Variants in KCNMB2 observed in about 807,000 individuals in gnomAD.
KCNMB2 encodes calcium-activated potassium channel subunit beta-2.
A neutral mutation model predicts 24.5 loss-of-function variants in KCNMB2; 9 were observed. That is an observed-to-expected ratio of 0.37 (90% confidence interval 0.22 to 0.64). KCNMB2 has a LOEUF of 0.64. KCNMB2 is among the 30% of genes least tolerant of loss of function. The pLI, the probability that KCNMB2 is intolerant of heterozygous loss-of-function variation, is 0.63. For synonymous variants in KCNMB2, 109 were observed against 104.4 expected (o/e 1.04, Z -0.27); for missense variants, 226 against 284.3 (o/e 0.79, Z 1.47).
At chr3:178,665,870 CA>C (rs770427216) in intron 1 of KCNMB2, among the ~76,000 whole-genome samples, 2 of 152,172 alleles carry the variant, frequency 1.3e-5, no homozygotes, top group Non-Finnish European at 2.9e-5. Flanking sequence ...TCTCAAATCT[CA>C]GAACTATTCC....
intron 1 of KCNMB2, among the ~76,000 whole-genome samples, chr3:178,795,615 T>A (rs887497236): frequency 8.5e-5 from 13 of 152,150 alleles, no homozygotes; most frequent in African/African-American, 2.9e-4. Context: ...GGCCAAGGAA[T>A]GTGGTGGCCT....
At chr3:178,595,403 C>T (rs1717831695) in intron 1 of KCNMB2, among the ~76,000 whole-genome samples, 1 of 152,036 alleles carries the variant, frequency 6.6e-6, no homozygotes, top group Non-Finnish European at 1.5e-5. Flanking sequence ...TCTGAAAAGC[C>T]CGAGGTCCTG....
At chr3:178,734,292 A>G (rs2108370434) in intron 1 of KCNMB2, among the ~76,000 whole-genome samples, 1 of 152,328 alleles carries the variant, frequency 6.6e-6, no homozygotes, top group Middle Eastern at 3.4e-3. Flanking sequence ...CACTTGTGGC[A>G]TCATGCCTTC....
At position 178,813,606 on chromosome 3, in the gene KCNMB2, G is replaced by A. The variant is rs370649016; in HGVS notation, c.56+6141G>A. Among the ~76,000 whole-genome samples the A allele has an allele frequency of 3.4e-4, 52 of 152,070 alleles. 1 individual carries two copies. In the South Asian group the frequency reaches 0.011, roughly 31 times the overall value. On this transcript the variant is annotated intron_variant, in intron 2 of 4. Coordinates refer to ENST00000452583, the MANE Select transcript of KCNMB2 (RefSeq NM_181361.3). ...TCCAATCCTTACGGTTTTTTCTCAT[G>A]TGTTACACTCTTACTCTATTGGCAG...
chr3:178,613,643 G>T (rs1451999822), intron 1 of KCNMB2, among the ~76,000 whole-genome samples: 1 of 152,124 alleles, frequency 6.6e-6, no homozygotes, highest in Non-Finnish European at 1.5e-5. Context: ...AATATGTCAT[G>T]CCACTCTCTC....
chr3:178,725,601 A>G (rs560671699), intron 1 of KCNMB2, among the ~76,000 whole-genome samples: 2 of 152,062 alleles, frequency 1.3e-5, no homozygotes, highest in Non-Finnish European at 2.9e-5. Context: ...TACTGTGGTC[A>G]GAGATCATCT....
intron 1 of KCNMB2, among the ~76,000 whole-genome samples, chr3:178,597,564 T>C (rs1191728420): frequency 6.6e-6 from 1 of 152,142 alleles, no homozygotes; most frequent in Non-Finnish European, 1.5e-5. Context: ...AAAATTGGCA[T>C]GCAAAGCATG....
chr3:178,561,339 C>T lies in KCNMB2; in HGVS notation c.-68+24628C>T, dbSNP rs369359307. ...TGTAAGTAGCACATGATCCCCTTTG[C>T]TATCAATAAAAACAAAACAATGCTG... On this transcript the variant is annotated intron_variant, in intron 1 of 4. Transcript: ENST00000452583. Among the ~76,000 whole-genome samples the T allele has an allele frequency of 3.4e-4, 52 of 152,266 alleles. No individual in the cohort carries two copies. In the South Asian group the frequency reaches 0.01, roughly 30 times the overall value.
intron 2 of KCNMB2, among the ~76,000 whole-genome samples, chr3:178,817,984 C>A (rs1460416399): frequency 6.6e-6 from 1 of 152,180 alleles, no homozygotes; most frequent in Admixed American, 6.5e-5. Context: ...CATAAATATT[C>A]AGCACATGTA....
At chr3:178,828,421 C>T (rs560854075) in intron 4 of KCNMB2, 48 bp downstream of exon 4, 2 of 1,393,764 alleles carry the variant, frequency 1.4e-6, no homozygotes, top group Non-Finnish European at 2.0e-6. Flanking sequence ...GAGCTTCACA[C>T]CAGGCTCTCT....
intron 1 of KCNMB2, among the ~76,000 whole-genome samples, chr3:178,805,192 T>C (rs994877249): frequency 3.9e-5 from 6 of 152,220 alleles, no homozygotes; most frequent in African/African-American, 1.4e-4. Flanking sequence ...TCTCAGCCTC[T>C]GTTCTACCTC....
chr3:178,686,933 C>T (rs183748483), intron 1 of KCNMB2, among the ~76,000 whole-genome samples: 1 of 151,282 alleles, frequency 6.6e-6, no homozygotes, highest in East Asian at 1.9e-4. Flanking sequence ...GAAGTGCAGA[C>T]AGCTTTTATT....
intron 1 of KCNMB2, among the ~76,000 whole-genome samples, chr3:178,732,892 G>A (rs760883106): frequency 6.6e-6 from 1 of 152,114 alleles, no homozygotes; most frequent in African/African-American, 2.4e-5. Context: ...ATAATGAGAC[G>A]AGGCTATCTT....
At chr3:178,589,745 G>T (rs1717592615) in intron 1 of KCNMB2, among the ~76,000 whole-genome samples, 2 of 152,128 alleles carry the variant, frequency 1.3e-5, no homozygotes, top group South Asian at 2.1e-4. Flanking sequence ...CCCATCCAGG[G>T]TTCCCTCACA....
At chr3:178,663,091 G>A (rs1299543710) in intron 1 of KCNMB2, among the ~76,000 whole-genome samples, 1 of 152,164 alleles carries the variant, frequency 6.6e-6, no homozygotes, top group Non-Finnish European at 1.5e-5. Flanking sequence ...TAGGACAGCA[G>A]AGCCTCTCTC....
At chr3:178,706,964 A>T (rs1722298318) in intron 1 of KCNMB2, among the ~76,000 whole-genome samples, 1 of 152,182 alleles carries the variant, frequency 6.6e-6, no homozygotes, top group Admixed American at 6.6e-5. Context: ...CCTATGTAAC[A>T]ATCCTGCACG....
chr3:178,771,115 A>C (rs1223600041), intron 1 of KCNMB2, among the ~76,000 whole-genome samples: 6 of 152,176 alleles, frequency 3.9e-5, no homozygotes, highest in African/African-American at 1.2e-4. Flanking sequence ...TCTTAGAATA[A>C]TCCTTGGCTC....
chr3:178,673,815 TA>T (rs1244087256), intron 1 of KCNMB2, among the ~76,000 whole-genome samples: 1 of 152,178 alleles, frequency 6.6e-6, no homozygotes, highest in Non-Finnish European at 1.5e-5. Flanking sequence ...TGCTTCTCAT[TA>T]AAGTAAGGTC....
At chr3:178,784,381 T>C (rs1261555948) in intron 1 of KCNMB2, among the ~76,000 whole-genome samples, 3 of 152,140 alleles carry the variant, frequency 2.0e-5, no homozygotes. Context: ...CCATCTGCCT[T>C]TTTGATCCAT....
Sources: allele counts gnomAD v4.1 joint callset (sites outside exome capture counted in the v4.1 genomes callset), GRCh38; gene constraint gnomAD v4.1.1; transcripts MANE v1.5; gene names NCBI Gene and HGNC (gene_info 2026-07-23, HGNC 2026-07-21).